The following NOL4 variants were observed in gnomAD, a reference collection of about 807,000 sequenced individuals.
The protein encoded by NOL4 is cancer/testis antigen 125.
NOL4 carries 17 observed loss-of-function variants against 75.9 expected under a neutral mutation model. The ratio of observed to expected loss-of-function variants is 0.22; its 90% CI spans 0.15 to 0.34. The LOEUF (loss-of-function observed/expected upper bound fraction) is 0.34. Ranked by LOEUF, NOL4 falls within the 10% of genes least tolerant of loss-of-function variation. The pLI, the probability that NOL4 is intolerant of heterozygous loss-of-function variation, is 1.00. For synonymous variants in NOL4, 292 were observed against 289.9 expected (o/e 1.01, Z -0.07); for missense variants, 614 against 793.5 (o/e 0.77, Z 2.72).
In NOL4 at chr18:34,197,561, A is replaced by G. The variant is rs1190101831; in HGVS notation, c.264+25429T>C. Among the ~76,000 whole-genome samples the G allele has an allele frequency of 3.3e-5, 5 of 152,086 alleles. No homozygotes were observed. The East Asian group carries it at 9.6e-4, about 29-fold the overall frequency. ...GTGGAGTTTATCTCATGGGAATTACAGGATTTAATCAAATAATCACACTAG... is the reference window on the plus strand; with the variant it reads ...GTGGAGTTTATCTCATGGGAATTACGGGATTTAATCAAATAATCACACTAG... On this transcript the variant is annotated intron_variant, in intron 1 of 10. Coordinates refer to ENST00000261592, the MANE Select transcript of NOL4 (RefSeq NM_003787.5).
chr18:34,221,898 G>A (rs2037335190), intron 1 of NOL4: 3 of 747,918 alleles, frequency 4.0e-6, no homozygotes, highest in Admixed American at 5.2e-5. Flanking sequence ...ATACTGCACC[G>A]GGAAACAGTT....
At chr18:34,110,128 C>CAAAAA (rs57576599) in intron 2 of NOL4, among the ~76,000 whole-genome samples, 60 of 47,866 alleles carry the variant, frequency 1.3e-3, no homozygotes, top group Non-Finnish European at 1.9e-3. Context: ...CGCCCTCCCA[C>CAAAAA]AAAAAAAAAA....
chr18:33,942,431 G>A (rs537975570), intron 9 of NOL4, among the ~76,000 whole-genome samples: 3 of 151,888 alleles, frequency 2.0e-5, no homozygotes, highest in Admixed American at 2.0e-4. Flanking sequence ...GAAAGACTGA[G>A]GGAAACACCA....
rs1024545558 is a variant in NOL4, at chr18:34,006,073, A to G, written c.1056+13245T>C. On this transcript the variant is annotated intron_variant, in intron 6 of 10. Coordinates refer to ENST00000261592, the MANE Select transcript of NOL4 (RefSeq NM_003787.5). The stretch of plus-strand genomic sequence containing the variant: ...TTTTACATTTTATTTTAGTTAATTC[A>G]GTAACTGGTATTTCTCTTTCAGAAA... Among the ~76,000 whole-genome samples, 9 of 152,146 alleles carry G rather than the reference A, an allele frequency of 5.9e-5. No individual in the cohort carries two copies. In the South Asian group the frequency reaches 1.9e-3, roughly 32 times the overall value.
intron 4 of NOL4, among the ~76,000 whole-genome samples, chr18:34,095,174 C>A (rs2078714459): frequency 6.6e-6 from 1 of 151,934 alleles, no homozygotes; most frequent in Admixed American, 6.6e-5. Flanking sequence ...CATGGACAAT[C>A]AGCCACATAG....
chr18:33,969,584 G>A (rs904035705), intron 6 of NOL4, among the ~76,000 whole-genome samples: 10 of 151,976 alleles, frequency 6.6e-5, no homozygotes, highest in Admixed American at 6.6e-4. Flanking sequence ...CTTAACAACT[G>A]CATGTGAATC....
chr18:34,063,366 G>A (rs1360373051), intron 5 of NOL4, among the ~76,000 whole-genome samples: 1 of 151,958 alleles, frequency 6.6e-6, no homozygotes, highest in Non-Finnish European at 1.5e-5. Flanking sequence ...GGAATTTTCA[G>A]TCCTTATCAT....
intron 9 of NOL4, among the ~76,000 whole-genome samples, chr18:33,893,969 T>G (rs957467813): frequency 4.6e-5 from 7 of 152,282 alleles, no homozygotes; most frequent in African/African-American, 1.7e-4. Flanking sequence ...TCTACTGGAC[T>G]TCTCCTGCCC....
intron 1 of NOL4, among the ~76,000 whole-genome samples, chr18:34,170,280 C>T (rs1405809811): frequency 2.0e-5 from 3 of 151,688 alleles, no homozygotes; most frequent in Admixed American, 6.6e-5. Context: ...TGGGTTGAAG[C>T]GATTCTCCTG....
chr18:33,971,093 G>A (rs1183392127), intron 6 of NOL4, among the ~76,000 whole-genome samples: 1 of 152,086 alleles, frequency 6.6e-6, no homozygotes, highest in Non-Finnish European at 1.5e-5. Flanking sequence ...TATAATAATT[G>A]GAAGAACGTG....
In NOL4 at chr18:34,032,433, A is replaced by G. The variant is rs570553607; in HGVS notation, c.773-12832T>C. 5.9e-5 allele frequency among the ~76,000 whole-genome samples: 9 copies of G among 152,066 alleles called. No homozygotes were observed. In the South Asian group the frequency reaches 1.9e-3, roughly 32 times the overall value. ...CAACTTCTCCCATCCCAGAGCACAG[A>G]CTCTGGAGGCAAAAAGATTGCTTAG... is the stretch of plus-strand genomic sequence containing the variant. On this transcript the variant is annotated intron_variant, in intron 5 of 10. Transcript: ENST00000261592.
intron 5 of NOL4, among the ~76,000 whole-genome samples, chr18:34,091,070 C>A (rs576665600): frequency 6.6e-6 from 1 of 151,972 alleles, no homozygotes; most frequent in East Asian, 1.9e-4. Context: ...GCTTGATAGG[C>A]CAGCCACAGT....
At chr18:34,028,893 A>T (rs2075487958) in intron 5 of NOL4, among the ~76,000 whole-genome samples, 1 of 152,196 alleles carries the variant, frequency 6.6e-6, no homozygotes, top group East Asian at 1.9e-4. Context: ...CTATTTCAAT[A>T]TTCCAATTTT....
chr18:34,071,762 TA>T (rs2077528557), intron 5 of NOL4, among the ~76,000 whole-genome samples: 1 of 152,172 alleles, frequency 6.6e-6, no homozygotes, highest in South Asian at 2.1e-4. Context: ...TTAGGTGTAT[TA>T]AATGCATTTT....
intron 1 of NOL4, among the ~76,000 whole-genome samples, chr18:34,153,969 C>T (rs770390842): frequency 6.6e-6 from 1 of 151,926 alleles, no homozygotes; most frequent in Non-Finnish European, 1.5e-5. Flanking sequence ...AATCACACAG[C>T]CATATGTAGA....
chr18:34,194,211 C>A (rs2035134276), intron 1 of NOL4, among the ~76,000 whole-genome samples: 1 of 152,008 alleles, frequency 6.6e-6, no homozygotes, highest in Admixed American at 6.6e-5. Flanking sequence ...TAAGAAAGTA[C>A]ATTTTTAGTA....
At chr18:34,028,235 C>T (rs978721545) in intron 5 of NOL4, among the ~76,000 whole-genome samples, 6 of 152,112 alleles carry the variant, frequency 3.9e-5, no homozygotes, top group Admixed American at 6.5e-5. Flanking sequence ...TTGGATAAAG[C>T]GCAGTAGATT....
chr18:34,126,496 AT>A (rs2080396777), intron 2 of NOL4, among the ~76,000 whole-genome samples: 1 of 152,130 alleles, frequency 6.6e-6, no homozygotes, highest in African/African-American at 2.4e-5. Context: ...TGTTTTCTCT[AT>A]TGATAACACT....
intron 5 of NOL4, 36 bp from the exon 6 acceptor site, chr18:34,019,637 T>C: frequency 6.3e-7 from 1 of 1,579,068 alleles, no homozygotes; most frequent in South Asian, 1.2e-5. Flanking sequence ...TGATTTTAAT[T>C]AATATGCTAT....
Sources: gnomAD v4.1 joint callset for allele counts (sites outside exome capture counted in the v4.1 genomes callset) on GRCh38, gnomAD v4.1.1 for gene constraint, MANE v1.5 for transcripts, NCBI Gene and HGNC (gene_info 2026-07-23, HGNC 2026-07-21) for gene names.